ANKS1B: variants seen among roughly 807,000 people sequenced by gnomAD.
ANKS1B encodes ankyrin repeat and sterile alpha motif domain containing 1B.
ANKS1B carries 36 observed loss-of-function variants against 148.3 expected under a neutral mutation model. That is an observed-to-expected ratio of 0.24 (90% CI 0.19 to 0.32). The LOEUF (loss-of-function observed/expected upper bound fraction) is 0.32, where lower values mean the gene tolerates loss of function less well. Among genes scored for constraint, ANKS1B ranks in the 10% least tolerant of loss-of-function variants. The pLI, the probability that ANKS1B is intolerant of heterozygous loss-of-function variation, is 1.00. For synonymous variants in ANKS1B, 542 were observed against 560.8 expected, an observed-to-expected ratio of 0.97 and a Z score of 0.47; for missense variants, 1,157 against 1,542.6, an observed-to-expected ratio of 0.75 and a Z score of 4.19.
At chr12:99,311,206 AGAGATGGATAGCCCAGT>A (rs942358029) in intron 12 of ANKS1B, among the ~76,000 whole-genome samples, 2 of 152,174 alleles carry the variant, frequency 1.3e-5, no homozygotes, top group African/African-American at 4.8e-5. Context: ...ATATTAATCT[AGAGATGGATAGCCCAGT>A]GAGAAATTTA....
chr12:99,030,968 G>T (rs931055781), intron 17 of ANKS1B, among the ~76,000 whole-genome samples: 3 of 152,134 alleles, frequency 2.0e-5, no homozygotes, highest in Non-Finnish European at 4.4e-5. Context: ...CTGCAAGAAG[G>T]GCCAAGAAGA....
At chr12:99,482,711 T>C (rs933771669) in intron 10 of ANKS1B, among the ~76,000 whole-genome samples, 1 of 151,990 alleles carries the variant, frequency 6.6e-6, no homozygotes, top group Non-Finnish European at 1.5e-5. Flanking sequence ...GTTTTCCTTG[T>C]AGAGATCTTT....
At chr12:99,842,783 T>C (rs566494032) in intron 1 of ANKS1B, among the ~76,000 whole-genome samples, 9 of 152,282 alleles carry the variant, frequency 5.9e-5, no homozygotes, top group Admixed American at 3.3e-4. Flanking sequence ...TTGTCTTCCT[T>C]ACCTTGCTTT....
At chr12:98,953,538 T>TTTG (rs2099857393) in intron 17 of ANKS1B, among the ~76,000 whole-genome samples, 1 of 50,770 alleles carries the variant, frequency 2.0e-5, no homozygotes, top group African/African-American at 1.8e-4. Context: ...TCTAGAGTGG[T>TTTG]TTTTTTTTTT....
intron 19 of ANKS1B, among the ~76,000 whole-genome samples, chr12:98,811,833 A>G (rs2099098784): frequency 6.6e-6 from 1 of 152,172 alleles, no homozygotes; most frequent in Admixed American, 6.5e-5. Context: ...ACCTACAGGA[A>G]AATTCCCACT....
intron 9 of ANKS1B, among the ~76,000 whole-genome samples, chr12:99,571,813 T>C (rs1245847572): frequency 6.6e-6 from 1 of 152,048 alleles, no homozygotes; most frequent in Non-Finnish European, 1.5e-5. Context: ...AAGAAGGAAA[T>C]GAAGTGTTCT....
At chr12:98,841,734 G>C (rs956187265) in intron 17 of ANKS1B, among the ~76,000 whole-genome samples, 2 of 151,976 alleles carry the variant, frequency 1.3e-5, no homozygotes, top group Non-Finnish European at 2.9e-5. Context: ...GAGTCCCAAG[G>C]ATGAGTTCAA....
At chr12:98,987,269 T>A (rs1387960087) in intron 17 of ANKS1B, among the ~76,000 whole-genome samples, 2 of 151,828 alleles carry the variant, frequency 1.3e-5, no homozygotes, top group Non-Finnish European at 2.9e-5. Flanking sequence ...CTGATGAACT[T>A]CATTAAAATT....
At chr12:99,874,896 T>C (rs562558774) in intron 1 of ANKS1B, among the ~76,000 whole-genome samples, 20 of 152,298 alleles carry the variant, frequency 1.3e-4, no homozygotes, top group African/African-American at 4.8e-4. Flanking sequence ...GCCTAATACA[T>C]TGCAAATACT....
At chr12:99,507,095 G>A (rs989701579) in intron 9 of ANKS1B, among the ~76,000 whole-genome samples, 1 of 151,816 alleles carries the variant, frequency 6.6e-6, no homozygotes, top group Non-Finnish European at 1.5e-5. Context: ...TTATGGAAAT[G>A]ATTTTTTTTC....
chr12:99,632,765 A>ATTTTTTTTTT (rs1475764324), intron 9 of ANKS1B, among the ~76,000 whole-genome samples: 1 of 81,588 alleles, frequency 1.2e-5, no homozygotes, highest in South Asian at 4.0e-4. Context: ...ATATATATAT[A>ATTTTTTTTTT]TATTTTAATT....
At chr12:99,446,502 C>T (rs1444057351) in intron 10 of ANKS1B, among the ~76,000 whole-genome samples, 1 of 152,034 alleles carries the variant, frequency 6.6e-6, no homozygotes, top group African/African-American at 2.4e-5. Context: ...TCCACTATCA[C>T]CATCCCTATT....
At chr12:99,321,903 T>C (rs999377724) in intron 12 of ANKS1B, among the ~76,000 whole-genome samples, 1 of 152,138 alleles carries the variant, frequency 6.6e-6, no homozygotes, top group Non-Finnish European at 1.5e-5. Flanking sequence ...TTTTACACTG[T>C]TGGTGGGAAT....
At chr12:98,967,672 G>C (rs1412831170) in intron 17 of ANKS1B, among the ~76,000 whole-genome samples, 2 of 103,416 alleles carry the variant, frequency 1.9e-5, no homozygotes, top group African/African-American at 1.0e-4. Context: ...GAGGGGAGGG[G>C]AGGGGAGGGA....
intron 8 of ANKS1B, among the ~76,000 whole-genome samples, chr12:99,657,841 C>T (rs182341274): frequency 1.4e-5 from 2 of 139,838 alleles, no homozygotes; most frequent in Non-Finnish European, 3.0e-5. Context: ...GTTAATGGTG[C>T]TACAATGATT....
intron 1 of ANKS1B, among the ~76,000 whole-genome samples, chr12:99,860,764 G>A (rs2089919537): frequency 6.6e-6 from 1 of 152,146 alleles, no homozygotes; most frequent in African/African-American, 2.4e-5. Flanking sequence ...TTAAAACAGA[G>A]AGTAAGGCAG....
At chr12:98,830,110 T>TA (rs1421432954) in intron 18 of ANKS1B, among the ~76,000 whole-genome samples, 1 of 152,068 alleles carries the variant, frequency 6.6e-6, no homozygotes, top group East Asian at 1.9e-4. Context: ...AGAGCCAGAA[T>TA]GAGAGGTTCA....
intron 12 of ANKS1B, among the ~76,000 whole-genome samples, chr12:99,371,631 A>C (rs770580259): frequency 1.3e-5 from 2 of 152,100 alleles, no homozygotes. Flanking sequence ...TATCTCTGAA[A>C]AAGCCTAATA....
chr12:98,792,530 T>C (rs1186744756), intron 22 of ANKS1B, among the ~76,000 whole-genome samples: 1 of 152,176 alleles, frequency 6.6e-6, no homozygotes, highest in Non-Finnish European at 1.5e-5. Flanking sequence ...ACTGTGCAAT[T>C]GGGCACCAGA....
Sources: gnomAD v4.1 joint callset for allele counts (sites outside exome capture counted in the v4.1 genomes callset) on GRCh38, gnomAD v4.1.1 for gene constraint, MANE v1.5 for transcripts, NCBI Gene and HGNC (gene_info 2026-07-23, HGNC 2026-07-21) for gene names.